The following SLA variants were observed in gnomAD, a reference collection of about 807,000 sequenced individuals.
SLA encodes the protein Src like adaptor.
Under a neutral mutation model 30.3 loss-of-function variants are expected in SLA, and 16 were observed. The ratio of observed to expected loss-of-function variants is 0.53; its 90% CI spans 0.36 to 0.80. SLA has a LOEUF of 0.80. Ranked by LOEUF, SLA falls within the 30% of genes least tolerant of loss-of-function variation. The pLI is 0.01. For synonymous variants in SLA, 143 were observed against 137.8 expected (o/e 1.04, Z -0.26); for missense variants, 310 against 345.2 (o/e 0.90, Z 0.81).
At chr8:133,079,011 C>T (rs1458907557) in intron 1 of SLA, among the ~76,000 whole-genome samples, 1 of 152,176 alleles carries the variant, frequency 6.6e-6, no homozygotes, top group Non-Finnish European at 1.5e-5. Context: ...ACAGGAACTT[C>T]ATGGCACTGA....
intron 7 of SLA, among the ~76,000 whole-genome samples, chr8:133,040,551 A>G (rs1302604654): frequency 6.6e-6 from 1 of 152,142 alleles, no homozygotes; most frequent in Non-Finnish European, 1.5e-5. Context: ...CAATCCATTA[A>G]CCTCACAGGG....
At chr8:133,058,368 C>T (rs914473750) in intron 3 of SLA, among the ~76,000 whole-genome samples, 2 of 152,182 alleles carry the variant, frequency 1.3e-5, no homozygotes, top group Non-Finnish European at 2.9e-5. Flanking sequence ...CTCTCTATGT[C>T]TGTTCTAGAG....
At chr8:133,093,221 G>A (rs907317224) in intron 1 of SLA, among the ~76,000 whole-genome samples, 6 of 151,884 alleles carry the variant, frequency 4.0e-5, no homozygotes, top group African/African-American at 1.2e-4. Context: ...AAACCTGAGG[G>A]CACAAGAACT....
rs56028043 is a variant in SLA at position 133,087,071 on chromosome 8, T to TACAC, written c.-318-11945_-318-11942dup. 2.2e-3 allele frequency among the ~76,000 whole-genome samples: 311 copies of TACAC among 143,132 alleles called. 1 individual carries two copies. The highest frequency in any genetic ancestry group is 0.013 in the East Asian group (63 of 4,844). The allele number at this position is 143,132 out of a possible 152,430, so 93.9% of individuals were successfully genotyped here. On this transcript the variant is annotated intron_variant, in intron 1 of 8. Coordinates refer to ENST00000338087, the MANE Select transcript of SLA (RefSeq NM_001045556.3). ...TGTATAGATTTCCTGAATATATGTT[T>TACAC]ACACACACACACACACACACACACA...
At chr8:133,050,351 T>C (rs1840168729) in intron 4 of SLA, 1 of 294,208 alleles carries the variant, frequency 3.4e-6, no homozygotes, top group African/African-American at 2.1e-5. Context: ...TCTGAATCAG[T>C]GAAGATCTAA....
intron 2 of SLA, among the ~76,000 whole-genome samples, chr8:133,061,034 C>T (rs556604174): frequency 7.2e-5 from 11 of 152,288 alleles, no homozygotes; most frequent in African/African-American, 2.2e-4. Flanking sequence ...TTTTTTGAGA[C>T]GCAGTCTCAC....
chr8:133,068,460 G>A (rs1843430004), intron 2 of SLA, among the ~76,000 whole-genome samples: 1 of 152,198 alleles, frequency 6.6e-6, no homozygotes, highest in South Asian at 2.1e-4. Flanking sequence ...CCAGATTTGA[G>A]GCCTGTCAAT....
chr8:133,078,626 G>A (rs934360173), intron 1 of SLA, among the ~76,000 whole-genome samples: 7 of 152,270 alleles, frequency 4.6e-5, no homozygotes, highest in African/African-American at 1.2e-4. Flanking sequence ...TGTGCCAGAC[G>A]CTATGCATGT....
chr8:133,101,510 T>C (rs1849247662), intron 1 of SLA, among the ~76,000 whole-genome samples: 1 of 152,138 alleles, frequency 6.6e-6, no homozygotes, highest in African/African-American at 2.4e-5. Flanking sequence ...TACTCCATCC[T>C]CTGTCCTTTG....
At chr8:133,063,714 G>A (rs1267270795) in intron 2 of SLA, 2 of 152,206 alleles carry the variant, frequency 1.3e-5, no homozygotes, top group African/African-American at 4.8e-5. Flanking sequence ...CGTGACAGAA[G>A]GTGCTGTGTC....
chr8:133,064,058 C>T (rs1483577351), intron 2 of SLA: 2 of 152,174 alleles, frequency 1.3e-5, no homozygotes, highest in Non-Finnish European at 2.9e-5. Context: ...TCTCCCTTTC[C>T]TTGGTGGTGT....
At chr8:133,067,718 G>C (rs1176874002) in intron 2 of SLA, among the ~76,000 whole-genome samples, 2 of 151,994 alleles carry the variant, frequency 1.3e-5, no homozygotes, top group Admixed American at 1.3e-4. Flanking sequence ...AGAGGCTGCA[G>C]TAAGCTGAGA....
chr8:133,082,572 C>T (rs752287660), intron 1 of SLA, among the ~76,000 whole-genome samples: 17 of 152,156 alleles, frequency 1.1e-4, no homozygotes, highest in Non-Finnish European at 1.6e-4. Flanking sequence ...GTGGAAACAG[C>T]GGCTGGACAT....
chr8:133,049,854 CA>C (rs1162900448), intron 5 of SLA, 47 bp downstream of exon 5: 1 of 1,186,656 alleles, frequency 8.4e-7, no homozygotes, highest in Non-Finnish European at 1.3e-6. Context: ...TATGAGTCAC[CA>C]GCATACGCAT....
At chr8:133,083,028 A>C (rs1031439836) in intron 1 of SLA, among the ~76,000 whole-genome samples, 5 of 152,198 alleles carry the variant, frequency 3.3e-5, no homozygotes, top group African/African-American at 9.6e-5. Flanking sequence ...TGGGGCAGAC[A>C]TGGAGGGAGA....
intron 2 of SLA, among the ~76,000 whole-genome samples, chr8:133,074,253 G>A (rs944189539): frequency 5.3e-5 from 8 of 151,616 alleles, no homozygotes; most frequent in South Asian, 2.1e-4. Flanking sequence ...AATTATCTTC[G>A]GCATCTTCTT....
intron 7 of SLA, among the ~76,000 whole-genome samples, chr8:133,042,678 C>CCTTTTT (rs1554706932): frequency 0.076 from 4,314 of 56,970 alleles, 526 homozygotes; most frequent in East Asian, 0.22. Context: ...CATTCTGTGT[C>CCTTTTT]TTTTTTTTTT....
intron 1 of SLA, chr8:133,095,186 T>C (rs748678686): frequency 2.5e-6 from 4 of 1,614,092 alleles, no homozygotes; most frequent in African/African-American, 2.7e-5. Context: ...CCTGCCAATG[T>C]CCTCAATGAT....
At chr8:133,085,336 A>G (rs1846351343) in intron 1 of SLA, among the ~76,000 whole-genome samples, 1 of 152,250 alleles carries the variant, frequency 6.6e-6, no homozygotes, top group Non-Finnish European at 1.5e-5. Context: ...AGGCAGCAAA[A>G]GAAAAAATAG....
Sources: gnomAD v4.1 joint callset for allele counts (sites outside exome capture counted in the v4.1 genomes callset) on GRCh38, gnomAD v4.1.1 for gene constraint, MANE v1.5 for transcripts, NCBI Gene and HGNC (gene_info 2026-07-23, HGNC 2026-07-21) for gene names.